Variants in NRXN1 observed in about 807,000 individuals in gnomAD.
NRXN1 encodes neurexin 1.
Under a neutral mutation model 150.9 loss-of-function variants are expected in NRXN1, and 39 were observed. That is an observed-to-expected ratio of 0.26 (90% confidence interval 0.20 to 0.34). NRXN1 has a LOEUF of 0.34. Among genes scored for constraint, NRXN1 ranks in the 10% least tolerant of loss-of-function variants. The pLI is 1.00. For synonymous variants in NRXN1, 924 were observed against 757.0 expected (o/e 1.22, Z -3.62); for missense variants, 1,815 against 1,949.9 (o/e 0.93, Z 1.30).
At chr2:50,943,297 G>C (rs1415831193) in intron 2 of NRXN1, among the ~76,000 whole-genome samples, 2 of 152,112 alleles carry the variant, frequency 1.3e-5, no homozygotes, top group Non-Finnish European at 2.9e-5. Flanking sequence ...TCACATGTTA[G>C]GCTAGTACAA....
intron 17 of NRXN1, among the ~76,000 whole-genome samples, chr2:50,269,295 T>C (rs2069274290): frequency 6.6e-6 from 1 of 152,234 alleles, no homozygotes; most frequent in Non-Finnish European, 1.5e-5. Flanking sequence ...AGGTGTGGAA[T>C]ACTGTATACT....
chr2:50,181,243 A>T (rs562540555), intron 18 of NRXN1, among the ~76,000 whole-genome samples: 7 of 93,316 alleles, frequency 7.5e-5, no homozygotes, highest in Admixed American at 6.8e-4. Flanking sequence ...TGGTGAGTTT[A>T]AAAAAAACCT....
intron 17 of NRXN1, among the ~76,000 whole-genome samples, chr2:50,352,753 G>GATAATAATAATAATAATAATAATATT (rs1558582260): frequency 1.2e-5 from 1 of 83,782 alleles, no homozygotes; most frequent in Non-Finnish European, 2.5e-5. Flanking sequence ...TAAGAGCATT[G>GATAATAATAATAATAATAATAATATT]ATAATAATAA....
At chr2:50,387,223 G>C (rs1026379969) in intron 17 of NRXN1, among the ~76,000 whole-genome samples, 1 of 152,130 alleles carries the variant, frequency 6.6e-6, no homozygotes, top group African/African-American at 2.4e-5. Flanking sequence ...ATGGAAAAAA[G>C]TTTCCTTTAA....
At chr2:50,018,263 G>A (rs1686973338) in intron 21 of NRXN1, among the ~76,000 whole-genome samples, 1 of 152,064 alleles carries the variant, frequency 6.6e-6, no homozygotes, top group African/African-American at 2.4e-5. Flanking sequence ...TTATAGGGCG[G>A]GTTTATTTTT....
At chr2:49,948,557 G>A (rs1479120607) in intron 21 of NRXN1, among the ~76,000 whole-genome samples, 1 of 151,916 alleles carries the variant, frequency 6.6e-6, no homozygotes, top group African/African-American at 2.4e-5. Flanking sequence ...TAGATGGCTT[G>A]GCAAAAATCA....
At chr2:50,777,231 T>C (rs145156838) in intron 5 of NRXN1, among the ~76,000 whole-genome samples, 15 of 152,230 alleles carry the variant, frequency 9.9e-5, no homozygotes, top group African/African-American at 2.6e-4. Context: ...AAGGGGTAAA[T>C]TGCCTTTTTG....
At chr2:50,369,469 T>C (rs1402121) in intron 17 of NRXN1, among the ~76,000 whole-genome samples, 47,300 of 151,812 alleles carry the variant, frequency 0.31, 9,581 homozygotes, top group African/African-American at 0.57. Flanking sequence ...TACAGGAAGT[T>C]AACAAATCCT....
At chr2:50,334,780 C>G (rs543974834) in intron 17 of NRXN1, among the ~76,000 whole-genome samples, 187 of 152,252 alleles carry the variant, frequency 1.2e-3, no homozygotes, top group African/African-American at 4.3e-3. Context: ...AGAAGAAAAT[C>G]CAAGTTATGT....
intron 17 of NRXN1, among the ~76,000 whole-genome samples, chr2:50,328,319 G>A (rs2076522505): frequency 6.6e-6 from 1 of 152,064 alleles, no homozygotes; most frequent in Non-Finnish European, 1.5e-5. Flanking sequence ...CAAAAGCATG[G>A]ACACCCCTGT....
intron 5 of NRXN1, among the ~76,000 whole-genome samples, chr2:50,780,670 T>A (rs932744962): frequency 6.6e-6 from 1 of 152,208 alleles, no homozygotes; most frequent in Non-Finnish European, 1.5e-5. Flanking sequence ...ATGTTGAATA[T>A]TTAAGTTCTA....
intron 1 of NRXN1, among the ~76,000 whole-genome samples, chr2:51,030,178 A>G (rs1385263632): frequency 1.3e-5 from 2 of 152,082 alleles, no homozygotes; most frequent in Non-Finnish European, 1.5e-5. Context: ...ACAAATGTAT[A>G]ATCTGTTCAT....
intron 17 of NRXN1, among the ~76,000 whole-genome samples, chr2:50,455,137 T>G (rs1361154814): frequency 6.6e-6 from 1 of 152,204 alleles, no homozygotes; most frequent in Non-Finnish European, 1.5e-5. Context: ...AGTTGTCGCA[T>G]AAGATTGTGG....
intron 5 of NRXN1, among the ~76,000 whole-genome samples, chr2:50,799,111 T>C (rs1707240706): frequency 6.6e-6 from 1 of 152,238 alleles, no homozygotes; most frequent in Non-Finnish European, 1.5e-5. Context: ...ATCCTCTTTC[T>C]TGTTGGACAT....
At chr2:49,925,297 A>C (rs1668909344) in intron 22 of NRXN1, among the ~76,000 whole-genome samples, 2 of 151,632 alleles carry the variant, frequency 1.3e-5, no homozygotes, top group South Asian at 4.2e-4. Context: ...AAAAAAAAAA[A>C]AGAAAGAAAG....
intron 17 of NRXN1, among the ~76,000 whole-genome samples, chr2:50,257,132 G>C (rs912986254): frequency 6.6e-6 from 1 of 151,988 alleles, no homozygotes; most frequent in African/African-American, 2.4e-5. Flanking sequence ...GGATTTAAAA[G>C]AGATTAATAT....
chr2:49,944,595 TAATC>T (rs1289169871), intron 21 of NRXN1, among the ~76,000 whole-genome samples: 1 of 152,168 alleles, frequency 6.6e-6, no homozygotes, highest in Non-Finnish European at 1.5e-5. Flanking sequence ...GTTAGTCACA[TAATC>T]AACACACTGA....
intron 3 of NRXN1, among the ~76,000 whole-genome samples, chr2:50,924,358 T>C (rs1189535114): frequency 1.3e-5 from 2 of 150,648 alleles, no homozygotes; most frequent in African/African-American, 4.9e-5. Flanking sequence ...CAATAGCTTA[T>C]GGGCCTATAT....
intron 17 of NRXN1, among the ~76,000 whole-genome samples, chr2:50,243,054 GA>G (rs2066166304): frequency 6.6e-6 from 1 of 151,750 alleles, no homozygotes; most frequent in African/African-American, 2.4e-5. Flanking sequence ...TAGGTCAACA[GA>G]TACAAAGTTA....
Sources: gnomAD v4.1 joint callset for allele counts (sites outside exome capture counted in the v4.1 genomes callset) on GRCh38, gnomAD v4.1.1 for gene constraint, MANE v1.5 for transcripts, NCBI Gene and HGNC (gene_info 2026-07-23, HGNC 2026-07-21) for gene names.